HERC3: variants seen among roughly 807,000 people sequenced by gnomAD.
HERC3 encodes the protein HECT and RLD domain containing E3 ubiquitin protein ligase 3.
A neutral mutation model predicts 129.9 loss-of-function variants in HERC3; 58 were observed. The ratio of observed to expected loss-of-function variants is 0.45; its 90% CI spans 0.36 to 0.56. The LOEUF is 0.56. Ranked by LOEUF, HERC3 falls within the 20% of genes least tolerant of loss-of-function variation. HERC3 has a pLI of 0.00. For synonymous variants in HERC3, 430 were observed against 451.0 expected, an observed-to-expected ratio of 0.95 and a Z score of 0.59; for missense variants, 835 against 1,244.2, an observed-to-expected ratio of 0.67 and a Z score of 4.95.
intron 16 of HERC3, among the ~76,000 whole-genome samples, chr4:88,670,561 G>GAT (rs1731501699): frequency 6.6e-6 from 1 of 152,126 alleles, no homozygotes. Flanking sequence ...TGGAGGCAGG[G>GAT]GAAAATGGAG....
intron 23 of HERC3, chr4:88,697,285 T>G (rs777410344): frequency 1.2e-6 from 2 of 1,603,642 alleles, no homozygotes; most frequent in African/African-American, 1.3e-5. Context: ...CGCAGCCTCC[T>G]CCTCCTCCTC....
intron 12 of HERC3, among the ~76,000 whole-genome samples, chr4:88,666,610 A>ATG (rs1731071045): frequency 6.6e-6 from 1 of 152,224 alleles, no homozygotes; most frequent in African/African-American, 2.4e-5. Context: ...AATCATCTGA[A>ATG]TGTGTCCATT....
intron 16 of HERC3, among the ~76,000 whole-genome samples, chr4:88,675,785 A>G (rs1439744874): frequency 1.3e-5 from 2 of 151,590 alleles, no homozygotes; most frequent in African/African-American, 2.4e-5. Flanking sequence ...GTTTCTCCTA[A>G]GAGTAGCAGC....
chr4:88,676,537 T>G, intron 18 of HERC3, 114 bp downstream of exon 18: 1 of 739,790 alleles, frequency 1.4e-6, no homozygotes, highest in Admixed American at 2.6e-5. Context: ...TCCATTGTAA[T>G]TCTTAAAACT....
the HERC3 span, among the ~76,000 whole-genome samples, chr4:88,578,581 T>TAAA: frequency 8.8e-6 from 1 of 114,244 alleles, no homozygotes; most frequent in Admixed American, 9.0e-5. Context: ...AACTCCATCA[T>TAAA]AAAAAAAAAA....
chr4:88,702,967 C>T (rs1240240263), intron 23 of HERC3, among the ~76,000 whole-genome samples: 2 of 152,226 alleles, frequency 1.3e-5, no homozygotes, highest in Non-Finnish European at 2.9e-5. Context: ...AACCTCTTAT[C>T]TGCAATAAGC....
At chr4:88,682,642 G>C (rs1016777544) in intron 21 of HERC3, among the ~76,000 whole-genome samples, 1 of 152,072 alleles carries the variant, frequency 6.6e-6, no homozygotes, top group African/African-American at 2.4e-5. Flanking sequence ...TCCCTACAAA[G>C]GACATGAACT....
At chr4:88,689,940 A>AT (rs111786692) in intron 23 of HERC3, 35,134 of 825,100 alleles carry the variant, frequency 0.043, 338 homozygotes, top group African/African-American at 0.098. Flanking sequence ...TTCATTAACC[A>AT]TTTTTTTTTT....
At chr4:88,602,381 G>A in intron 2 of HERC3, among the ~76,000 whole-genome samples, 1 of 120,592 alleles carries the variant, frequency 8.3e-6, no homozygotes, top group Non-Finnish European at 1.6e-5. Flanking sequence ...CAGCCTGGGA[G>A]ACAGAGCGAG....
chr4:88,617,063 T>A (rs1724977865), intron 3 of HERC3, among the ~76,000 whole-genome samples: 2 of 151,904 alleles, frequency 1.3e-5, no homozygotes, highest in South Asian at 4.2e-4. Context: ...GAAAGTATTA[T>A]TTTCTCTCAT....
rs79482300 is a variant in HERC3 at position 88,702,702 on chromosome 4, G to C, written c.2658-1396G>C. 5.4e-3 allele frequency among the ~76,000 whole-genome samples: 816 copies of C among 152,264 alleles called. 6 individuals carry two copies. Among genetic ancestry groups the C allele is most frequent in the African/African-American group, 0.018 (750 of 41,548 alleles). On this transcript the variant is annotated intron_variant, in intron 23 of 25. Transcript: ENST00000402738. ...AGAAAATGCTGCAGTAAACTTGCCTGCACTCATCTTCTTGTGCACACATGT... is the reference window on the plus strand; with the variant it reads ...AGAAAATGCTGCAGTAAACTTGCCTCCACTCATCTTCTTGTGCACACATGT...
At chr4:88,563,550 G>C in the HERC3 span, among the ~76,000 whole-genome samples, 4 of 152,140 alleles carry the variant, frequency 2.6e-5, no homozygotes, top group African/African-American at 9.7e-5. Context: ...GAATAAGAAA[G>C]GTGAAAGTGG....
chr4:88,526,503 A>G, the HERC3 span, among the ~76,000 whole-genome samples: 1 of 152,116 alleles, frequency 6.6e-6, no homozygotes, highest in African/African-American at 2.4e-5. Context: ...TCATTTTGCC[A>G]ATTGTTTCTT....
At chr4:88,581,749 G>T in the HERC3 span, among the ~76,000 whole-genome samples, 1 of 152,102 alleles carries the variant, frequency 6.6e-6, no homozygotes, top group African/African-American at 2.4e-5. Flanking sequence ...ACTGCCCCTG[G>T]CCTGAAAATA....
the HERC3 span, among the ~76,000 whole-genome samples, chr4:88,579,232 A>AAAAAATATATATATATATATATATAT: frequency 9.6e-6 from 1 of 104,096 alleles, no homozygotes; most frequent in African/African-American, 6.1e-5. Context: ...AAAAAAAAAA[A>AAAAAATATATATATATATATATATAT]ATATATATAT....
rs74836899 is a variant in HERC3 at position 88,620,631 on chromosome 4, T to C, written c.226+14582T>C. The stretch of plus-strand genomic sequence containing the variant: ...GGATCATTGCAGTCATTTCTAATTG[T>C]TGTGCCTGTTTCCTCCCTTAATCCC... On this transcript the variant is annotated intron_variant, in intron 3 of 25. Coordinates refer to ENST00000402738, the MANE Select transcript of HERC3 (RefSeq NM_014606.3). Among the ~76,000 whole-genome samples, 1,024 of 152,292 alleles carry C rather than the reference T, an allele frequency of 6.7e-3. 12 individuals are homozygous for C. Among genetic ancestry groups the C allele is most frequent in the African/African-American group, 0.023 (974 of 41,556 alleles).
the HERC3 span, among the ~76,000 whole-genome samples, chr4:88,558,723 G>C: frequency 6.6e-6 from 1 of 152,124 alleles, no homozygotes; most frequent in African/African-American, 2.4e-5. Context: ...CAGCACTTTG[G>C]GAGGCCGAGG....
chr4:88,548,406 G>T, the HERC3 span, among the ~76,000 whole-genome samples: 1 of 152,056 alleles, frequency 6.6e-6, no homozygotes, highest in Non-Finnish European at 1.5e-5. Flanking sequence ...TGTGTGATAT[G>T]GTATCTCCAT....
At chr4:88,655,792 C>G (rs552306781) in intron 8 of HERC3, 83 bp from the exon 9 acceptor site, 117 of 1,387,388 alleles carry the variant, frequency 8.4e-5, no homozygotes, top group Non-Finnish European at 1.2e-4. Context: ...GTGCTGTGCA[C>G]ATGTGGAAGT....
Sources: gnomAD v4.1 joint callset for allele counts (sites outside exome capture counted in the v4.1 genomes callset) on GRCh38, gnomAD v4.1.1 for gene constraint, MANE v1.5 for transcripts, NCBI Gene and HGNC (gene_info 2026-07-23, HGNC 2026-07-21) for gene names.